ATP10B: variants seen among roughly 807,000 people sequenced by gnomAD.
ATP10B encodes the protein ATPase phospholipid transporting 10B (putative).
A neutral mutation model predicts 141.2 loss-of-function variants in ATP10B; 122 were observed. The observed-to-expected ratio is 0.86, with a 90% CI of 0.75 to 1.00. The LOEUF (loss-of-function observed/expected upper bound fraction) is 1.00. ATP10B is among the 50% of genes least tolerant of loss of function. ATP10B has a pLI of 0.00. For missense variants in ATP10B, 1,876 were observed against 1,825.3 expected, an observed-to-expected ratio of 1.03 and a Z score of -0.51; for synonymous variants, 685 against 692.0, an observed-to-expected ratio of 0.99 and a Z score of 0.16.
intron 18 of ATP10B, among the ~76,000 whole-genome samples, chr5:160,607,917 C>G (rs1757486232): frequency 6.6e-6 from 1 of 151,928 alleles, no homozygotes; most frequent in African/African-American, 2.4e-5. Context: ...TGGCAGAAAA[C>G]AGCATTATCA....
At chr5:160,687,339 G>A (rs1359516563) in intron 5 of ATP10B, among the ~76,000 whole-genome samples, 1 of 152,058 alleles carries the variant, frequency 6.6e-6, no homozygotes, top group Non-Finnish European at 1.5e-5. Flanking sequence ...CATAGAACCT[G>A]ACAAATATTT....
At chr5:160,737,397 T>C (rs1008027946) in intron 2 of ATP10B, among the ~76,000 whole-genome samples, 2 of 152,190 alleles carry the variant, frequency 1.3e-5, no homozygotes, top group Non-Finnish European at 2.9e-5. Context: ...CTGGAAGTCC[T>C]AGCTAGAGCA....
At chr5:160,647,381 G>C (rs935161701) in intron 8 of ATP10B, among the ~76,000 whole-genome samples, 1 of 152,164 alleles carries the variant, frequency 6.6e-6, no homozygotes, top group African/African-American at 2.4e-5. Context: ...CCATGGGTTA[G>C]CTACTCCGCA....
intron 1 of ATP10B, among the ~76,000 whole-genome samples, chr5:160,823,040 TAA>T (rs1213845171): frequency 2.3e-5 from 2 of 88,034 alleles, no homozygotes; most frequent in African/African-American, 7.7e-5. Flanking sequence ...ATATATAAAA[TAA>T]AGAGTGTAAT....
rs1303556989 is a variant in ATP10B at position 160,806,986 on chromosome 5, GAA to G, written c.-575-21185_-575-21184del. Among the ~76,000 whole-genome samples, 3 of 152,080 alleles carry G rather than the reference GAA, an allele frequency of 2.0e-5. No individual in the cohort carries two copies. In the South Asian group the frequency reaches 6.2e-4, roughly 32 times the overall value. ...GAAATTAGCCTCATTTTCAAGAAAAGAAAAGACAAACGGGGAAGAAAAAGTAC... is the reference window on the plus strand; with the variant it reads ...GAAATTAGCCTCATTTTCAAGAAAAGAAGACAAACGGGGAAGAAAAAGTAC... On this transcript the variant is annotated intron_variant, in intron 1 of 25. Transcript: ENST00000327245.
At chr5:160,693,397 T>C (rs1332513381) in intron 3 of ATP10B, among the ~76,000 whole-genome samples, 6 of 116,054 alleles carry the variant, frequency 5.2e-5, no homozygotes, top group African/African-American at 2.1e-4. Flanking sequence ...TTTCCATGGG[T>C]CAGAAAACAC....
chr5:160,755,030 C>T (rs1439925523), intron 2 of ATP10B, among the ~76,000 whole-genome samples: 4 of 152,174 alleles, frequency 2.6e-5, no homozygotes, highest in African/African-American at 9.7e-5. Flanking sequence ...AGTCTGTTTT[C>T]ATATTGCTAT....
intron 3 of ATP10B, among the ~76,000 whole-genome samples, chr5:160,711,822 AG>A (rs1484973092): frequency 2.7e-5 from 1 of 36,828 alleles, no homozygotes; most frequent in Admixed American, 2.8e-4. Context: ...TTTAGCATGA[AG>A]GGTTGTTGAA....
chr5:160,820,656 A>G (rs1774032079), intron 1 of ATP10B, among the ~76,000 whole-genome samples: 1 of 152,124 alleles, frequency 6.6e-6, no homozygotes, highest in African/African-American at 2.4e-5. Flanking sequence ...AATATTAGCA[A>G]ACCAAATTAA....
intron 1 of ATP10B, among the ~76,000 whole-genome samples, chr5:160,846,701 A>G (rs908184372): frequency 1.3e-5 from 2 of 152,202 alleles, no homozygotes; most frequent in African/African-American, 4.8e-5. Flanking sequence ...ATGGTCAAGT[A>G]TTTATAATTT....
chr5:160,872,931 G>T, the ATP10B span, among the ~76,000 whole-genome samples: 1 of 151,602 alleles, frequency 6.6e-6, no homozygotes, highest in Non-Finnish European at 1.5e-5. Context: ...TATTTTGATG[G>T]GGATTGCATT....
chr5:160,842,525 A>G (rs1775870969), intron 1 of ATP10B, among the ~76,000 whole-genome samples: 1 of 152,062 alleles, frequency 6.6e-6, no homozygotes, highest in Admixed American at 6.6e-5. Context: ...TGGTACTATG[A>G]AAAAGCTAAC....
intron 2 of ATP10B, among the ~76,000 whole-genome samples, chr5:160,764,720 C>T (rs1001928182): frequency 6.6e-6 from 1 of 152,128 alleles, no homozygotes; most frequent in African/African-American, 2.4e-5. Context: ...CCAGAGCAAT[C>T]AGACAAAAGA....
rs1770260571 is a variant in ATP10B, at chr5:160,775,752, C to T, written c.-331+9807G>A. On this transcript the variant is annotated intron_variant, in intron 2 of 25. Transcript: ENST00000327245. ...CTGGAGTGCAGTGGCGCGATCTCGGCTCGCTGCAAGCTCCGCCTCCTGGGT... is the reference window on the plus strand; with the variant it reads ...CTGGAGTGCAGTGGCGCGATCTCGGTTCGCTGCAAGCTCCGCCTCCTGGGT... Among the ~76,000 whole-genome samples the T allele has an allele frequency of 2.0e-5, 3 of 147,798 alleles. No homozygotes were observed. The South Asian group carries it at 6.5e-4, about 32-fold the overall frequency.
At chr5:160,782,780 A>C (rs1486264881) in intron 2 of ATP10B, among the ~76,000 whole-genome samples, 1 of 151,560 alleles carries the variant, frequency 6.6e-6, no homozygotes, top group Non-Finnish European at 1.5e-5. Flanking sequence ...AATGGCAAAA[A>C]ATGACATGTA....
chr5:160,881,251 A>T, the ATP10B span, among the ~76,000 whole-genome samples: 1 of 152,204 alleles, frequency 6.6e-6, no homozygotes, highest in African/African-American at 2.4e-5. Flanking sequence ...ATACCACGAC[A>T]CACCTATTAG....
At chr5:160,668,566 T>C (rs927435660) in intron 7 of ATP10B, among the ~76,000 whole-genome samples, 5 of 152,186 alleles carry the variant, frequency 3.3e-5, no homozygotes, top group Non-Finnish European at 5.9e-5. Context: ...AATGCGGCTG[T>C]AATAAGCAAA....
At position 160,670,557 on chromosome 5, in the gene ATP10B, G is replaced by C; in HGVS notation, c.581C>G (p.Ser194Cys). Residue 194 changes from serine to cysteine, a missense_variant, in exon 7 of 26, where the codon TCT (serine) becomes TGT (cysteine). Transcript: ENST00000327245. ...CAGATGGCATATCCCATTGGGGTCA[G>C]AGGAAAAAAGGAGGAGTATGTCTGC... Reference protein sequence around the residue: ...VPADILLLFSSDPNGICHLET... With the variant: ...VPADILLLFSCDPNGICHLET... The C allele has an allele frequency of 6.8e-6, 11 of 1,613,922 alleles. No homozygotes were observed. Among genetic ancestry groups the C allele is most frequent in the Non-Finnish European group, 8.5e-6 (10 of 1,179,930 alleles).
At chr5:160,714,897 G>C (rs1765503945) in intron 3 of ATP10B, among the ~76,000 whole-genome samples, 1 of 146,114 alleles carries the variant, frequency 6.8e-6, no homozygotes, top group Non-Finnish European at 1.5e-5. Context: ...GTGTGGCCCT[G>C]CTGGGGGGTG....
Sources: gnomAD v4.1 joint callset for allele counts (sites outside exome capture counted in the v4.1 genomes callset) on GRCh38, gnomAD v4.1.1 for gene constraint, MANE v1.5 for transcripts, NCBI Gene and HGNC (gene_info 2026-07-23, HGNC 2026-07-21) for gene names.